PTPRK: variants seen among roughly 807,000 people sequenced by gnomAD.
PTPRK encodes receptor-type tyrosine-protein phosphatase kappa.
Under a neutral mutation model 178.0 loss-of-function variants are expected in PTPRK, and 75 were observed. The observed-to-expected ratio is 0.42, with a 90% CI of 0.35 to 0.51. PTPRK has a LOEUF of 0.51. PTPRK is among the 20% of genes least tolerant of loss of function. PTPRK has a pLI of 0.02. For missense variants in PTPRK, 1,441 were observed against 1,797.8 expected (o/e 0.80, Z 3.59); for synonymous variants, 637 against 620.6 (o/e 1.03, Z -0.39).
At chr6:128,117,325 T>C (rs906728597) in intron 7 of PTPRK, among the ~76,000 whole-genome samples, 51 of 152,290 alleles carry the variant, frequency 3.3e-4, no homozygotes, top group African/African-American at 1.2e-3. Flanking sequence ...CATTTTCCTA[T>C]GTTAGTGTTA....
chr6:128,012,686 TTG>T (rs989392246), intron 13 of PTPRK, among the ~76,000 whole-genome samples: 1 of 151,304 alleles, frequency 6.6e-6, no homozygotes, highest in Non-Finnish European at 1.5e-5. Flanking sequence ...ACTTGATCAA[TTG>T]TGTCCTTGCT....
chr6:128,311,181 A>C (rs1320882521), intron 3 of PTPRK, among the ~76,000 whole-genome samples: 3 of 152,188 alleles, frequency 2.0e-5, no homozygotes, highest in Non-Finnish European at 4.4e-5. Context: ...TAAGTAACAA[A>C]AATATGCCTT....
intron 13 of PTPRK, among the ~76,000 whole-genome samples, chr6:128,016,903 C>T (rs890818467): frequency 6.6e-6 from 1 of 151,982 alleles, no homozygotes; most frequent in African/African-American, 2.4e-5. Flanking sequence ...GTACATGAGT[C>T]ACTTTCTGGA....
At chr6:128,346,258 A>G (rs942578508) in intron 2 of PTPRK, among the ~76,000 whole-genome samples, 1 of 152,224 alleles carries the variant, frequency 6.6e-6, no homozygotes, top group African/African-American at 2.4e-5. Context: ...TCTGAAAATC[A>G]TAGAATTTAA....
chr6:128,300,403 C>A (rs1028704679), intron 3 of PTPRK, among the ~76,000 whole-genome samples: 2 of 151,972 alleles, frequency 1.3e-5, no homozygotes, highest in African/African-American at 4.8e-5. Context: ...AATCATGCTG[C>A]TATAAAGACA....
At chr6:128,410,380 C>A (rs374291049) in intron 1 of PTPRK, among the ~76,000 whole-genome samples, 1 of 152,166 alleles carries the variant, frequency 6.6e-6, no homozygotes, top group African/African-American at 2.4e-5. Context: ...CACCCTCAGT[C>A]CCCTTTAACA....
At chr6:128,248,506 A>C (rs1815878504) in intron 3 of PTPRK, among the ~76,000 whole-genome samples, 1 of 152,210 alleles carries the variant, frequency 6.6e-6, no homozygotes, top group Non-Finnish European at 1.5e-5. Flanking sequence ...TACAAAAGGA[A>C]AATGGAAGTA....
intron 13 of PTPRK, among the ~76,000 whole-genome samples, chr6:128,012,428 T>C (rs983570469): frequency 5.3e-5 from 8 of 151,432 alleles, no homozygotes; most frequent in African/African-American, 1.9e-4. Context: ...GTGGTGCCCC[T>C]GAGTTCTGTT....
intron 1 of PTPRK, among the ~76,000 whole-genome samples, chr6:128,416,471 C>T (rs540176686): frequency 6.9e-4 from 104 of 150,980 alleles, no homozygotes; most frequent in Non-Finnish European, 1.2e-3. Context: ...GAAACCCAGT[C>T]TCTACTAAAA....
intron 1 of PTPRK, among the ~76,000 whole-genome samples, chr6:128,421,751 A>G (rs532558343): frequency 6.6e-6 from 1 of 152,366 alleles, no homozygotes; most frequent in Admixed American, 6.5e-5. Context: ...GTTGATTATA[A>G]ATGATGGAAT....
chr6:128,323,468 T>C (rs1278584146), intron 2 of PTPRK, among the ~76,000 whole-genome samples: 1 of 152,140 alleles, frequency 6.6e-6, no homozygotes, highest in Admixed American at 6.6e-5. Flanking sequence ...TTATAAGAGT[T>C]GCACTTGACC....
chr6:128,233,573 T>A (rs921958625), intron 5 of PTPRK, among the ~76,000 whole-genome samples: 78 of 152,228 alleles, frequency 5.1e-4, no homozygotes, highest in Non-Finnish European at 1.0e-3. Context: ...TTAAATTATG[T>A]GTTGCTCCAT....
intron 7 of PTPRK, among the ~76,000 whole-genome samples, chr6:128,120,293 T>C (rs1562620048): frequency 6.6e-6 from 1 of 151,972 alleles, no homozygotes; most frequent in Non-Finnish European, 1.5e-5. Context: ...AATTGTATTC[T>C]TAAAGGTATT....
intron 7 of PTPRK, among the ~76,000 whole-genome samples, chr6:128,124,069 A>T (rs1792929157): frequency 6.7e-6 from 1 of 148,982 alleles, no homozygotes; most frequent in African/African-American, 2.5e-5. Flanking sequence ...CTTGAGACAG[A>T]GTCTCAGTCT....
At chr6:128,265,308 T>C (rs1033189002) in intron 3 of PTPRK, among the ~76,000 whole-genome samples, 30 of 152,162 alleles carry the variant, frequency 2.0e-4, no homozygotes, top group African/African-American at 7.0e-4. Context: ...TATACATACA[T>C]TCTGCTAAGA....
intron 13 of PTPRK, among the ~76,000 whole-genome samples, chr6:128,048,286 ATCTGCT>A (rs1358553047): frequency 6.6e-6 from 1 of 152,142 alleles, no homozygotes; most frequent in African/African-American, 2.4e-5. Flanking sequence ...AGGCCCAGCA[ATCTGCT>A]TAACAAGCCC....
At chr6:128,246,666 T>C (rs138285016) in intron 3 of PTPRK, among the ~76,000 whole-genome samples, 2 of 152,366 alleles carry the variant, frequency 1.3e-5, no homozygotes, top group African/African-American at 4.8e-5. Context: ...CTTGGGCTAA[T>C]GCTCAGGTCA....
intron 2 of PTPRK, among the ~76,000 whole-genome samples, chr6:128,334,377 T>C (rs1489159679): frequency 1.3e-5 from 2 of 152,162 alleles, no homozygotes; most frequent in East Asian, 3.9e-4. Flanking sequence ...ACTCAACTAG[T>C]CTATTATTCT....
intron 2 of PTPRK, among the ~76,000 whole-genome samples, chr6:128,356,558 T>G (rs1833992604): frequency 6.6e-6 from 1 of 152,192 alleles, no homozygotes. Context: ...AAACAACTAT[T>G]GTTCTTTTTC....
Sources: allele counts gnomAD v4.1 joint callset (sites outside exome capture counted in the v4.1 genomes callset), GRCh38; gene constraint gnomAD v4.1.1; transcripts MANE v1.5; gene names NCBI Gene and HGNC (gene_info 2026-07-23, HGNC 2026-07-21).